Variants in ADGRF1 observed in about 807,000 individuals in gnomAD.
The protein encoded by ADGRF1 is G protein-coupled receptor 110.
In ADGRF1, 85 loss-of-function variants were observed where a neutral mutation model predicts 87.2. The observed-to-expected ratio is 0.97, with a 90% CI of 0.82 to 1.17. The LOEUF (loss-of-function observed/expected upper bound fraction) is 1.17, where lower values mean the gene tolerates loss of function less well. Ranked by LOEUF, ADGRF1 falls within the 50% of genes most tolerant of loss-of-function variation. ADGRF1 has a pLI of 0.00. For missense variants in ADGRF1, 1,169 were observed against 1,077.2 expected, an observed-to-expected ratio of 1.09 and a Z score of -1.19; for synonymous variants, 430 against 408.8, an observed-to-expected ratio of 1.05 and a Z score of -0.63.
Position 47,009,044 on chromosome 6 carries a change from G to A in ADGRF1, c.2391C>T (p.Thr797=). The change falls in exon 11 of 15, where the codon ACC becomes ACT. Residue 797 remains threonine (T), a synonymous_variant. Coordinates refer to ENST00000371253, the MANE Select transcript of ADGRF1 (RefSeq NM_153840.4). ...AGCCCCAGGTGAGCCCTAGCAGAGG[G>A]GTCAGAATGAGGAGGCTCTTCCCCA... ...IRVGKSLLIL[T]PLLGLTWGFG... is the part of the protein sequence containing the mutation. 1 of 1,614,078 alleles carries A rather than the reference G, an allele frequency of 6.2e-7. No homozygotes were observed. Among genetic ancestry groups the A allele is most frequent in the African/African-American group, 1.3e-5 (1 of 75,010 alleles).
At chr6:47,016,157 AG>A (rs1439870773) in intron 8 of ADGRF1, among the ~76,000 whole-genome samples, 2 of 152,198 alleles carry the variant, frequency 1.3e-5, no homozygotes, top group Non-Finnish European at 2.9e-5. Flanking sequence ...AAATTTTGGT[AG>A]GAAAGGCGTA....
intron 1 of ADGRF1, among the ~76,000 whole-genome samples, chr6:47,034,312 C>CT (rs1436606514): frequency 6.6e-6 from 1 of 152,186 alleles, no homozygotes; most frequent in African/African-American, 2.4e-5. Flanking sequence ...AAACCTAAGC[C>CT]TGGAAAGATT....
intron 5 of ADGRF1, among the ~76,000 whole-genome samples, chr6:47,023,183 T>A (rs887595824): frequency 6.6e-6 from 1 of 152,216 alleles, no homozygotes; most frequent in Non-Finnish European, 1.5e-5. Context: ...TATTACAGTC[T>A]GGCCTCTACA....
intron 12 of ADGRF1, among the ~76,000 whole-genome samples, chr6:47,006,861 G>A (rs1779548010): frequency 6.6e-6 from 1 of 152,156 alleles, no homozygotes; most frequent in Non-Finnish European, 1.5e-5. Context: ...AACTCTACAA[G>A]TATAGAAGTA....
chr6:47,040,340 T>C (rs1190646231), intron 1 of ADGRF1, among the ~76,000 whole-genome samples: 1 of 151,034 alleles, frequency 6.6e-6, no homozygotes, highest in Non-Finnish European at 1.5e-5. Context: ...GGCATGGTGG[T>C]GGATGCCTGT....
intron 9 of ADGRF1, chr6:47,013,008 A>AAG (rs1469661754): frequency 1.1e-6 from 1 of 916,588 alleles, no homozygotes; most frequent in East Asian, 1.2e-4. Context: ...TCTTGACCTC[A>AAG]TGATCTGCCC....
At chr6:47,010,823 C>T (rs1224138552) in intron 10 of ADGRF1, among the ~76,000 whole-genome samples, 1 of 152,208 alleles carries the variant, frequency 6.6e-6, no homozygotes, top group African/African-American at 2.4e-5. Flanking sequence ...TTTCCTACTA[C>T]ATAAAGCAAA....
At chr6:47,026,475 G>A (rs1053465938) in intron 3 of ADGRF1, among the ~76,000 whole-genome samples, 1 of 150,906 alleles carries the variant, frequency 6.6e-6, no homozygotes, top group Middle Eastern at 3.4e-3. Context: ...TATTCCATTC[G>A]TTAGCTGCGT....
At chr6:47,011,294 T>G (rs1205643476) in intron 10 of ADGRF1, among the ~76,000 whole-genome samples, 1 of 152,232 alleles carries the variant, frequency 6.6e-6, no homozygotes, top group Non-Finnish European at 1.5e-5. Context: ...ACAATTTTAA[T>G]CATATATAGT....
chr6:47,029,672 C>A (rs764420396), intron 1 of ADGRF1, among the ~76,000 whole-genome samples: 22 of 151,896 alleles, frequency 1.4e-4, no homozygotes, highest in Non-Finnish European at 2.9e-4. Context: ...TCACTTATAC[C>A]CAGGTTATTT....
rs541816652 is a variant in ADGRF1 at position 47,021,925 on chromosome 6, C to T, written c.552+33G>A. 29 of 1,171,260 alleles carry T rather than the reference C, an allele frequency of 2.5e-5. No homozygotes were observed. In the East Asian group the frequency reaches 2.9e-4, roughly 12 times the overall value. 72.6% of individuals were successfully genotyped at this position (1,171,260 alleles called of 1,614,324 possible). A position where few individuals can be genotyped will look rare whatever the true frequency, so the allele number is the denominator to read the frequency against. On this transcript the variant is annotated intron_variant, in intron 6 of 14. Coordinates refer to ENST00000371253, the MANE Select transcript of ADGRF1 (RefSeq NM_153840.4). ...AACATTTGAACTTGAGTGTAGCAAA[C>T]GATTCCTTATATAATAAGTAGAAAG...
At position 47,012,060 on chromosome 6, in the gene ADGRF1, T is replaced by C; in HGVS notation, c.1063A>G (p.Ile355Val). The change falls in exon 10 of 15, where the codon ATT becomes GTT. Residue 355 changes from isoleucine to valine, a missense_variant. Coordinates refer to ENST00000371253, the MANE Select transcript of ADGRF1 (RefSeq NM_153840.4). ...LASVVSILSN[I>V]SSLSLASHFR... ...TGGCTGGCCAGTGACAGAGATGAAA[T>C]ATTGCTCAGAATCGACACCACCGAA... 1 of 1,613,986 alleles carries C rather than the reference T, an allele frequency of 6.2e-7. No individual in the cohort carries two copies. Among genetic ancestry groups the C allele is most frequent in the Non-Finnish European group, 8.5e-7 (1 of 1,179,928 alleles).
Position 47,010,192 on chromosome 6 carries a change from C to A in ADGRF1, c.1243G>T (p.Val415Leu). 6.2e-7 allele frequency: 1 copy of A among 1,614,082 alleles called. No homozygotes were observed. Among genetic ancestry groups the A allele is most frequent in the Non-Finnish European group, 8.5e-7 (1 of 1,179,996 alleles). Residue 415 changes from valine (V) to leucine (L), a missense_variant, in exon 11 of 15, where the codon GTG (valine) becomes TTG (leucine). Physicochemically the swap from Val to Leu is conservative, Grantham distance 32 (BLOSUM62 1). Transcript: ENST00000371253. ...LETLENISTL[V>L]PPTALPLNFS... ...TTCAGAGGAAGAGCTGTCGGAGGCA[C>A]CAGAGTGCTGATGTTTTCTAATGTC...
At chr6:47,041,487 G>C (rs977157956) in intron 1 of ADGRF1, among the ~76,000 whole-genome samples, 14 of 151,820 alleles carry the variant, frequency 9.2e-5, no homozygotes, top group African/African-American at 2.7e-4. Context: ...TCTCTGGCAT[G>C]GTACATTACA....
intron 1 of ADGRF1, among the ~76,000 whole-genome samples, chr6:47,041,301 A>G (rs950253647): frequency 1.3e-5 from 2 of 152,184 alleles, no homozygotes; most frequent in Non-Finnish European, 2.9e-5. Context: ...TAAAGAATGT[A>G]CTTTTATTTA....
chr6:47,030,692 C>T (rs1328127704), intron 1 of ADGRF1, among the ~76,000 whole-genome samples: 3 of 150,380 alleles, frequency 2.0e-5, no homozygotes, highest in Non-Finnish European at 4.4e-5. Flanking sequence ...ACTGATTTTG[C>T]AATACCCTCA....
chr6:47,022,115 G>T, intron 5 of ADGRF1, 57 bp from the exon 6 acceptor site: 1 of 944,262 alleles, frequency 1.1e-6, no homozygotes, highest in African/African-American at 1.7e-5. Flanking sequence ...TGATTTACTA[G>T]TAGCATACAA....
At chr6:47,040,099 A>G (rs1342273575) in intron 1 of ADGRF1, among the ~76,000 whole-genome samples, 1 of 152,226 alleles carries the variant, frequency 6.6e-6, no homozygotes, top group African/African-American at 2.4e-5. Flanking sequence ...AAATCCCAAG[A>G]CATATGTATT....
At chr6:47,024,991 C>T (rs1003957693) in intron 4 of ADGRF1, among the ~76,000 whole-genome samples, 4 of 152,212 alleles carry the variant, frequency 2.6e-5, no homozygotes, top group Non-Finnish European at 4.4e-5. Flanking sequence ...AGGCTCCTTT[C>T]TATCCACCTG....
Sources: allele counts gnomAD v4.1 joint callset (sites outside exome capture counted in the v4.1 genomes callset), GRCh38; gene constraint gnomAD v4.1.1; transcripts MANE v1.5; gene names NCBI Gene and HGNC (gene_info 2026-07-23, HGNC 2026-07-21).